The following PCDHA7 variants were observed in gnomAD, a reference collection of about 807,000 sequenced individuals.
PCDHA7 encodes the protein protocadherin alpha 7.
A neutral mutation model predicts 57.2 loss-of-function variants in PCDHA7; 37 were observed. The ratio of observed to expected loss-of-function variants is 0.65; its 90% CI spans 0.50 to 0.85. The LOEUF (loss-of-function observed/expected upper bound fraction) is 0.85, where lower values mean the gene tolerates loss of function less well. Among genes scored for constraint, PCDHA7 ranks in the 40% least tolerant of loss-of-function variants. The probability of loss-of-function intolerance (pLI) is 0.00; values close to 1 mark genes in which losing one functional copy is unlikely to be tolerated. For missense variants in PCDHA7, 1,188 were observed against 1,241.8 expected (o/e 0.96, Z 0.65); for synonymous variants, 553 against 558.8 (o/e 0.99, Z 0.15).
Position 140,877,583 on chromosome 5 carries a change from T to C in PCDHA7, c.2355+40845T>C. On this transcript the variant is annotated intron_variant, in intron 1 of 3. Transcript: ENST00000525929. ...ATTAACGTGTACCTCATCATCGCCA[T>C]CTGTGCGGTGTCCAGCCTGCTGGTG... 6.2e-7 allele frequency: 1 copy of C among 1,613,816 alleles called. No homozygotes were observed. Among genetic ancestry groups the C allele is most frequent in the Admixed American group, 1.7e-5 (1 of 60,032 alleles).
chr5:140,965,700 C>CT (rs1554227802), intron 1 of PCDHA7, among the ~76,000 whole-genome samples: 1 of 152,162 alleles, frequency 6.6e-6, no homozygotes, highest in East Asian at 1.9e-4. Flanking sequence ...TTAGAAAAAG[C>CT]TTGAGAGAAG....
In PCDHA7 at chr5:140,835,434, A is replaced by G. The variant is rs2150235683; in HGVS notation, c.1051A>G (p.Thr351Ala). Residue 351 changes from threonine (T) to alanine (A), a missense_variant, in exon 1 of 4, where the codon ACT (threonine) becomes GCT (alanine). Physicochemically the swap from Thr to Ala is moderately conservative, Grantham distance 58 (BLOSUM62 0). Coordinates refer to ENST00000525929, the MANE Select transcript of PCDHA7 (RefSeq NM_018910.3). Reference sequence around the variant, plus strand: ...TGTAAATGACAATGCTCCACAGTTGACTCTCACTTCCCTGTCTCTCCCTAT... The same window carrying G: ...TGTAAATGACAATGCTCCACAGTTGGCTCTCACTTCCCTGTCTCTCCCTAT... ...VDVNDNAPQL[T>A]LTSLSLPIPE... 1.2e-6 allele frequency: 2 copies of G among 1,613,730 alleles called. No individual in the cohort carries two copies. Among genetic ancestry groups the G allele is most frequent in the Non-Finnish European group, 1.7e-6 (2 of 1,179,816 alleles).
At position 140,843,305 on chromosome 5, in the gene PCDHA7, A is replaced by T. The variant is rs2150356964; in HGVS notation, c.2355+6567A>T. ...TCATGGTGAACCTGCGCTGACCGCCACGGCCACGGTTCTGGTGTCGCTGGT... is the reference window on the plus strand; with the variant it reads ...TCATGGTGAACCTGCGCTGACCGCCTCGGCCACGGTTCTGGTGTCGCTGGT... On this transcript the variant is annotated intron_variant, in intron 1 of 3. Coordinates refer to ENST00000525929, the MANE Select transcript of PCDHA7 (RefSeq NM_018910.3). 1.9e-6 allele frequency: 3 copies of T among 1,595,938 alleles called. No homozygotes were observed. In the East Asian group the frequency reaches 6.7e-5, roughly 36 times the overall value.
chr5:140,905,048 C>A (rs2153487978), intron 1 of PCDHA7, among the ~76,000 whole-genome samples: 1 of 152,186 alleles, frequency 6.6e-6, no homozygotes, highest in African/African-American at 2.4e-5. Flanking sequence ...TAATTAGGTC[C>A]CATTTATTTA....
intron 1 of PCDHA7, chr5:140,858,580 A>G (rs1374882572): frequency 8.9e-6 from 12 of 1,352,620 alleles, no homozygotes; most frequent in Middle Eastern, 2.1e-4. Context: ...CCTTTGTAAT[A>G]TAATTTATTC....
intron 1 of PCDHA7, chr5:140,841,540 C>T: frequency 1.2e-6 from 2 of 1,613,694 alleles, no homozygotes; most frequent in African/African-American, 1.3e-5. Context: ...GACACCGGGA[C>T]CTTCTGGAGG....
intron 1 of PCDHA7, chr5:140,854,002 A>G: frequency 2.5e-6 from 1 of 395,852 alleles, no homozygotes; most frequent in Non-Finnish European, 3.5e-6. Flanking sequence ...ATCTCTGCCA[A>G]AAAAAAAAAA....
chr5:140,857,273 G>A, intron 1 of PCDHA7: 3 of 1,598,730 alleles, frequency 1.9e-6, no homozygotes, highest in Middle Eastern at 1.7e-4. Context: ...ATTGGTGCTG[G>A]ACAGCGCTCT....
intron 1 of PCDHA7, among the ~76,000 whole-genome samples, chr5:140,893,180 C>G (rs1388898676): frequency 6.6e-6 from 1 of 152,208 alleles, no homozygotes; most frequent in Non-Finnish European, 1.5e-5. Context: ...CACATAGTAG[C>G]TATTGTGAAT....
rs202032784 is a variant in PCDHA7, at chr5:140,927,180, C to T, written c.2356-51769C>T. On this transcript the variant is annotated intron_variant, in intron 1 of 3. Coordinates refer to ENST00000525929, the MANE Select transcript of PCDHA7 (RefSeq NM_018910.3). ...GGGCCAAAGCTGCCTGCGTCTTGAC[C>T]TACGACCTGGTGCTCGAGGACCCGC... is the stretch of plus-strand genomic sequence containing the variant. 5 of 1,614,048 alleles carry T rather than the reference C, an allele frequency of 3.1e-6. No homozygotes were observed. The South Asian group carries it at 3.3e-5, about 11-fold the overall frequency.
chr5:140,883,731 C>A, intron 1 of PCDHA7: 1 of 1,613,446 alleles, frequency 6.2e-7, no homozygotes, highest in Non-Finnish European at 8.5e-7. Flanking sequence ...CAGGAGAACG[C>A]GCTGGTCTCC....
At chr5:140,941,019 C>T (rs569905763) in intron 1 of PCDHA7, among the ~76,000 whole-genome samples, 4 of 152,142 alleles carry the variant, frequency 2.6e-5, no homozygotes, top group East Asian at 1.9e-4. Context: ...TCCTATTTTC[C>T]TTCTGGCCTT....
At position 140,838,280 on chromosome 5, in the gene PCDHA7, A is replaced by ATTTTTT. The variant is rs34299325; in HGVS notation, c.2355+1552_2355+1557dup. On this transcript the variant is annotated intron_variant, in intron 1 of 3. Transcript: ENST00000525929. ...AGACGCCAACAACCAAGCCATGCTA[A>ATTTTTT]TTTTTTTTTTTTTTTGTATTTTTAG... is the stretch of plus-strand genomic sequence containing the variant. 3.0e-3 allele frequency among the ~76,000 whole-genome samples: 422 copies of ATTTTTT among 139,576 alleles called. 11 individuals are homozygous for ATTTTTT. Among genetic ancestry groups the ATTTTTT allele is most frequent in the African/African-American group, 0.011 (409 of 36,774 alleles). The allele number at this position is 139,576 out of a possible 152,430, so 91.6% of individuals were successfully genotyped here.
intron 1 of PCDHA7, among the ~76,000 whole-genome samples, chr5:140,899,769 T>C (rs376898324): frequency 4.6e-4 from 70 of 152,316 alleles, no homozygotes; most frequent in African/African-American, 1.7e-3. Flanking sequence ...CAGTTCCTCC[T>C]TTTACCTCTG....
Position 140,843,405 on chromosome 5 carries a change from A to T in PCDHA7, c.2355+6667A>T. On this transcript the variant is annotated intron_variant, in intron 1 of 3. Transcript: ENST00000525929. ...TTGGGTCCGGAAGCGGCGCTGGTGG[A>T]TGTCAACGTGTACCTGATCATCGCC... The T allele has an allele frequency of 1.4e-5, 23 of 1,595,948 alleles. 2 individuals are homozygous for T. The highest frequency in any genetic ancestry group is 2.0e-5 in the Non-Finnish European group (23 of 1,165,558).
At chr5:140,843,222 C>G in intron 1 of PCDHA7, 1 of 1,596,168 alleles carries the variant, frequency 6.3e-7, no homozygotes, top group Non-Finnish European at 8.6e-7. Flanking sequence ...ATCAGCACCA[C>G]TCGTGTCCTG....
In PCDHA7 at chr5:140,844,771, C is replaced by A. The variant is rs1035379460; in HGVS notation, c.2355+8033C>A. 3.4e-5 allele frequency among the ~76,000 whole-genome samples: 5 copies of A among 149,070 alleles called. 1 individual carries two copies. Among genetic ancestry groups the A allele is most frequent in the African/African-American group, 7.4e-5 (3 of 40,720 alleles). On this transcript the variant is annotated intron_variant, in intron 1 of 3. Coordinates refer to ENST00000525929, the MANE Select transcript of PCDHA7 (RefSeq NM_018910.3). Reference sequence around the variant, plus strand: ...ATAAATCTTTGAAAAATCCAAGATACTTTATTTTGGTATCTTTCAACATTT... The same window carrying A: ...ATAAATCTTTGAAAAATCCAAGATAATTTATTTTGGTATCTTTCAACATTT...
intron 1 of PCDHA7, among the ~76,000 whole-genome samples, chr5:140,947,932 T>G (rs1444320082): frequency 1.3e-5 from 2 of 151,584 alleles, no homozygotes; most frequent in African/African-American, 4.8e-5. Flanking sequence ...CCTGATCTTA[T>G]GAGAAAAGTG....
intron 1 of PCDHA7, among the ~76,000 whole-genome samples, chr5:140,957,220 G>A (rs1356437193): frequency 2.6e-5 from 4 of 152,192 alleles, no homozygotes; most frequent in Non-Finnish European, 5.9e-5. Flanking sequence ...CAAAAATTTG[G>A]CGAAGCATTT....
Sources: gnomAD v4.1 joint callset for allele counts (sites outside exome capture counted in the v4.1 genomes callset) on GRCh38, gnomAD v4.1.1 for gene constraint, MANE v1.5 for transcripts, NCBI Gene and HGNC (gene_info 2026-07-23, HGNC 2026-07-21) for gene names.